The following CCSER1 variants were observed in gnomAD, a reference collection of about 807,000 sequenced individuals.
The protein encoded by CCSER1 is coiled-coil serine rich protein 1.
A neutral mutation model predicts 82.0 loss-of-function variants in CCSER1; 41 were observed. The ratio of observed to expected loss-of-function variants is 0.50; its 90% CI spans 0.39 to 0.65. The LOEUF is 0.65. Ranked by LOEUF, CCSER1 falls within the 30% of genes least tolerant of loss-of-function variation. The probability of loss-of-function intolerance (pLI) is 0.00; values close to 1 mark genes in which losing one functional copy is unlikely to be tolerated. For synonymous variants in CCSER1, 414 were observed against 383.9 expected, an observed-to-expected ratio of 1.08 and a Z score of -0.92; for missense variants, 1,119 against 1,064.2, an observed-to-expected ratio of 1.05 and a Z score of -0.72.
intron 5 of CCSER1, among the ~76,000 whole-genome samples, chr4:90,488,148 ATTGT>A (rs1473491781): frequency 6.6e-6 from 1 of 152,188 alleles, no homozygotes; most frequent in Admixed American, 6.5e-5. Flanking sequence ...GGACTACATG[ATTGT>A]TTAAGTCCTC....
intron 10 of CCSER1, among the ~76,000 whole-genome samples, chr4:91,513,709 G>A (rs1759949531): frequency 6.6e-6 from 1 of 152,022 alleles, no homozygotes; most frequent in Admixed American, 6.6e-5. Flanking sequence ...GTGTTTCCAG[G>A]AATTTATTCA....
chr4:90,393,777 T>C (rs1751545395), intron 3 of CCSER1, among the ~76,000 whole-genome samples: 1 of 143,718 alleles, frequency 7.0e-6, no homozygotes, highest in Non-Finnish European at 1.5e-5. Flanking sequence ...TCTTCCTTTT[T>C]TTTTTTTTTT....
chr4:90,163,167 T>G (rs1454540705), intron 1 of CCSER1, among the ~76,000 whole-genome samples: 7 of 152,166 alleles, frequency 4.6e-5, no homozygotes, highest in Non-Finnish European at 1.0e-4. Context: ...CATATATGTT[T>G]ATGTTTTTCT....
Position 91,111,852 on chromosome 4 carries a change from A to C in CCSER1, c.2217+25858A>C, listed in dbSNP as rs114395091. Among the ~76,000 whole-genome samples the C allele has an allele frequency of 7.8e-3, 1,069 of 137,544 alleles. 7 individuals carry two copies. The highest frequency in any genetic ancestry group is 0.025 in the African/African-American group (952 of 37,520). 90.2% of individuals were successfully genotyped at this position (137,544 alleles called of 152,430 possible). A position where few individuals can be genotyped will look rare whatever the true frequency, so the allele number is the denominator to read the frequency against. ...AGAAAGAAGAAGACAATAAAACAGA[A>C]AAAAAAAAAAAAGGAAAGAAAACTA... is the stretch of plus-strand genomic sequence containing the variant. On this transcript the variant is annotated intron_variant, in intron 10 of 10. Transcript: ENST00000509176.
chr4:91,393,668 A>G (rs536073880), intron 10 of CCSER1, among the ~76,000 whole-genome samples: 32 of 152,164 alleles, frequency 2.1e-4, no homozygotes, highest in African/African-American at 7.5e-4. Context: ...ATTGGGTTAT[A>G]GCTCATCCTG....
At chr4:91,524,149 T>G (rs1760653735) in intron 10 of CCSER1, among the ~76,000 whole-genome samples, 1 of 152,206 alleles carries the variant, frequency 6.6e-6, no homozygotes, top group African/African-American at 2.4e-5. Context: ...CACCTCAAGG[T>G]CATATGTCTC....
At chr4:90,274,756 T>C (rs1395535840) in intron 1 of CCSER1, among the ~76,000 whole-genome samples, 1 of 152,186 alleles carries the variant, frequency 6.6e-6, no homozygotes, top group Non-Finnish European at 1.5e-5. Flanking sequence ...TCTAATGTTC[T>C]TAATATTATG....
chr4:90,155,084 C>T (rs964221802), intron 1 of CCSER1, among the ~76,000 whole-genome samples: 19 of 152,246 alleles, frequency 1.2e-4, no homozygotes, highest in African/African-American at 4.6e-4. Flanking sequence ...CAGTTTTTAG[C>T]ATGAAGGGTT....
chr4:90,463,372 A>G (rs138849014), intron 4 of CCSER1, among the ~76,000 whole-genome samples: 2 of 152,344 alleles, frequency 1.3e-5, no homozygotes, highest in African/African-American at 2.4e-5. Flanking sequence ...CGAGAAATAG[A>G]TCAAATTTGG....
chr4:90,339,850 T>C (rs192488811), intron 3 of CCSER1, among the ~76,000 whole-genome samples: 1 of 152,112 alleles, frequency 6.6e-6, no homozygotes, highest in East Asian at 1.9e-4. Context: ...ACTTATTTAA[T>C]GTGAGGCTCA....
rs1224387027 is a variant in CCSER1 at position 91,495,404 on chromosome 4, T to G, written c.2218-103168T>G. ...TTGATGCTTCTGGTTCTAGTAACCTTATTTTGTATCTCATACCTTTCTTGT... is the reference window on the plus strand; with the variant it reads ...TTGATGCTTCTGGTTCTAGTAACCTGATTTTGTATCTCATACCTTTCTTGT... On this transcript the variant is annotated intron_variant, in intron 10 of 10. Transcript: ENST00000509176. 4.0e-5 allele frequency among the ~76,000 whole-genome samples: 6 copies of G among 151,664 alleles called. No individual in the cohort carries two copies. In the Admixed American group the frequency reaches 4.0e-4, roughly 10 times the overall value.
In CCSER1 at chr4:90,577,262, A is replaced by AT. The variant is rs140570379; in HGVS notation, c.1725-50756dup. Among the ~76,000 whole-genome samples, 1,095 of 152,098 alleles carry AT rather than the reference A, an allele frequency of 7.2e-3. 8 individuals are homozygous for AT. Among genetic ancestry groups the AT allele is most frequent in the Middle Eastern group, 0.037 (11 of 294 alleles). ...TCTCTTCTGCTAGAAGTAGGAGGCG[A>AT]TTTTTTTCCAATATTTACTCTGAGA... is the stretch of plus-strand genomic sequence containing the variant. On this transcript the variant is annotated intron_variant, in intron 5 of 10. Transcript: ENST00000509176.
At chr4:90,224,529 TATAAC>T (rs1317203484) in intron 1 of CCSER1, among the ~76,000 whole-genome samples, 2 of 152,244 alleles carry the variant, frequency 1.3e-5, no homozygotes, top group African/African-American at 4.8e-5. Context: ...CCCAGTCTAT[TATAAC>T]ATATTTTTTC....
At chr4:91,337,321 A>T (rs192400486) in intron 10 of CCSER1, among the ~76,000 whole-genome samples, 56 of 152,258 alleles carry the variant, frequency 3.7e-4, no homozygotes, top group Non-Finnish European at 5.9e-5. Flanking sequence ...CAAGTATTAC[A>T]CAAGAGAACC....
At chr4:91,055,451 A>G (rs2148720092) in intron 9 of CCSER1, among the ~76,000 whole-genome samples, 1 of 152,132 alleles carries the variant, frequency 6.6e-6, no homozygotes, top group East Asian at 1.9e-4. Context: ...TTCTTTCAGT[A>G]TTTTAGCTAT....
chr4:90,882,385 G>A (rs1721462971), intron 8 of CCSER1, among the ~76,000 whole-genome samples: 1 of 151,890 alleles, frequency 6.6e-6, no homozygotes, highest in Admixed American at 6.6e-5. Flanking sequence ...AGATTGGTTT[G>A]CAAGCAGAAC....
chr4:90,533,255 C>G (rs1579008466), intron 5 of CCSER1, among the ~76,000 whole-genome samples: 2 of 151,894 alleles, frequency 1.3e-5, no homozygotes, highest in East Asian at 3.9e-4. Context: ...CCACGCCTGG[C>G]AACTTTTTTT....
chr4:90,740,174 A>C (rs1746310556), intron 7 of CCSER1, among the ~76,000 whole-genome samples: 1 of 152,332 alleles, frequency 6.6e-6, no homozygotes, highest in African/African-American at 2.4e-5. Flanking sequence ...TTTACAAAAT[A>C]ATGGATAAAA....
chr4:91,502,514 C>A (rs1472171046), intron 10 of CCSER1, among the ~76,000 whole-genome samples: 1 of 152,160 alleles, frequency 6.6e-6, no homozygotes. Flanking sequence ...TATTTTAACT[C>A]ATTTAATCAC....
Sources: gnomAD v4.1 joint callset for allele counts (sites outside exome capture counted in the v4.1 genomes callset) on GRCh38, gnomAD v4.1.1 for gene constraint, MANE v1.5 for transcripts, NCBI Gene and HGNC (gene_info 2026-07-23, HGNC 2026-07-21) for gene names.